Variants in SPDYA observed in about 807,000 individuals in gnomAD.
The protein encoded by SPDYA is speedy protein A.
SPDYA carries 11 observed loss-of-function variants against 36.7 expected under a neutral mutation model. That is an observed-to-expected ratio of 0.30 (90% confidence interval 0.19 to 0.50). SPDYA has a LOEUF of 0.50. Ranked by LOEUF, SPDYA falls within the 20% of genes least tolerant of loss-of-function variation. SPDYA has a pLI of 0.98. For synonymous variants in SPDYA, 115 were observed against 118.7 expected (o/e 0.97, Z 0.20); for missense variants, 287 against 370.9 (o/e 0.77, Z 1.86).
intron 7 of SPDYA, chr2:28,842,141 G>A (rs1182301651): frequency 2.0e-5 from 3 of 152,184 alleles, no homozygotes; most frequent in Admixed American, 6.5e-5. Flanking sequence ...ACTAGAGCCT[G>A]AATTCCTAAA....
At chr2:28,814,347 AG>A (rs1165973598) in intron 1 of SPDYA, among the ~76,000 whole-genome samples, 1 of 152,224 alleles carries the variant, frequency 6.6e-6, no homozygotes, top group Non-Finnish European at 1.5e-5. Flanking sequence ...AACAAAAAAA[AG>A]AAAAAAAGAT....
intron 2 of SPDYA, among the ~76,000 whole-genome samples, chr2:28,815,143 G>T (rs1332597839): frequency 6.6e-6 from 1 of 151,972 alleles, no homozygotes; most frequent in Non-Finnish European, 1.5e-5. Flanking sequence ...TAAGCCAGAT[G>T]TGGTGGCATA....
intron 5 of SPDYA, among the ~76,000 whole-genome samples, chr2:28,826,949 C>CTTTTTT (rs1309143694): frequency 1.1e-4 from 12 of 113,800 alleles, no homozygotes; most frequent in Middle Eastern, 5.0e-3. Flanking sequence ...TCTTTTCTTT[C>CTTTTTT]TTTTTTTTTT....
At chr2:28,831,094 A>C (rs1346689143) in intron 6 of SPDYA, among the ~76,000 whole-genome samples, 1 of 152,168 alleles carries the variant, frequency 6.6e-6, no homozygotes, top group Non-Finnish European at 1.5e-5. Flanking sequence ...GGTAGCTCAC[A>C]CCTGTAATCC....
intron 7 of SPDYA, chr2:28,841,904 T>G (rs1160155124): frequency 1.3e-5 from 2 of 152,202 alleles, no homozygotes; most frequent in African/African-American, 4.8e-5. Context: ...CTTTCCCAGC[T>G]TCCTTTACTC....
intron 4 of SPDYA, among the ~76,000 whole-genome samples, chr2:28,820,535 G>A (rs1427163183): frequency 6.6e-5 from 10 of 152,180 alleles, no homozygotes; most frequent in Admixed American, 4.6e-4. Context: ...GCAGTGAGCC[G>A]AGACCGAGCC....
chr2:28,829,736 G>A (rs556161766), intron 6 of SPDYA, among the ~76,000 whole-genome samples: 1 of 152,008 alleles, frequency 6.6e-6, no homozygotes, highest in South Asian at 2.1e-4. Context: ...GAGGTCAGGA[G>A]ATCAAGACCA....
At chr2:28,829,027 CT>C in intron 5 of SPDYA, 120 bp from the exon 6 acceptor site, 3 of 757,630 alleles carry the variant, frequency 4.0e-6, no homozygotes, top group Non-Finnish European at 2.1e-6. Flanking sequence ...AACTGCATTT[CT>C]TTAATTAACG....
In SPDYA at chr2:28,811,905, G is replaced by A. The variant is rs1667857293; in HGVS notation, c.-93+958G>A. Among the ~76,000 whole-genome samples, 1 of 152,150 alleles carries A rather than the reference G, an allele frequency of 6.6e-6. No individual in the cohort carries two copies. Among genetic ancestry groups the A allele is most frequent in the Non-Finnish European group, 1.5e-5 (1 of 68,010 alleles). On this transcript the variant is annotated intron_variant, in intron 1 of 7. Coordinates refer to ENST00000334056, the MANE Select transcript of SPDYA (RefSeq NM_182756.4). This position sits in a 1 kb window ranked among gnomAD's most constrained non-coding sequence, Gnocchi z 4.2. ...CGGGAGGCAGAGGTGGCAGTGATCC[G>A]AGATCGCCTTATAGCTGGGGTTAGC...
intron 5 of SPDYA, 74 bp downstream of exon 5, chr2:28,822,484 A>T: frequency 1.4e-6 from 1 of 704,226 alleles, no homozygotes; most frequent in Non-Finnish European, 2.2e-6. Flanking sequence ...AACAGAGGCT[A>T]TTTAAAACCT....
chr2:28,827,398 C>G (rs1668356170), intron 5 of SPDYA, among the ~76,000 whole-genome samples: 2 of 152,070 alleles, frequency 1.3e-5, no homozygotes, highest in South Asian at 4.1e-4. Context: ...TCTTCTTTTT[C>G]AAATATACTT....
chr2:28,825,263 AAAAC>A (rs1174634135), intron 5 of SPDYA, among the ~76,000 whole-genome samples: 2 of 152,082 alleles, frequency 1.3e-5, no homozygotes, highest in Non-Finnish European at 2.9e-5. Flanking sequence ...CTGAGAATTA[AAAAC>A]AAACCAAAAG....
At chr2:28,840,864 C>G (rs1328551198) in intron 7 of SPDYA, 1 of 724,862 alleles carries the variant, frequency 1.4e-6, no homozygotes, top group African/African-American at 1.9e-5. Flanking sequence ...TACTATATAT[C>G]TAGGCCTGCT....
At chr2:28,825,120 G>A (rs1305786451) in intron 5 of SPDYA, among the ~76,000 whole-genome samples, 1 of 152,148 alleles carries the variant, frequency 6.6e-6, no homozygotes, top group Non-Finnish European at 1.5e-5. Flanking sequence ...CAGCAAAGCA[G>A]GGGCACAAAC....
At chr2:28,821,566 A>C (rs1465657561) in intron 4 of SPDYA, among the ~76,000 whole-genome samples, 1 of 152,176 alleles carries the variant, frequency 6.6e-6, no homozygotes, top group Admixed American at 6.5e-5. Context: ...GCAGTGTTGG[A>C]AAAGTAACTA....
intron 3 of SPDYA, among the ~76,000 whole-genome samples, chr2:28,817,973 G>A (rs190078563): frequency 7.3e-5 from 11 of 150,236 alleles, no homozygotes; most frequent in Non-Finnish European, 1.3e-4. Context: ...CCAGCCTGGG[G>A]CAACGTGGTG....
chr2:28,840,292 CCAG>C lies in SPDYA; in HGVS notation c.674_676del (p.Pro225_Val226delinsLeu). ...GCTGCCCCGGGGACCTAGTGCCACA[CCAG>C]TAGATTGTTCACTCTGTGGTAAAAA... On this transcript the variant is annotated inframe_deletion, in exon 7 of 8. Coordinates refer to ENST00000334056, the MANE Select transcript of SPDYA (RefSeq NM_182756.4). 6.2e-7 allele frequency: 1 copy of C among 1,613,208 alleles called. No individual in the cohort carries two copies. The highest frequency in any genetic ancestry group is 8.5e-7 in the Non-Finnish European group (1 of 1,179,672).
At chr2:28,840,932 T>A (rs1668735337) in intron 7 of SPDYA, 3 of 109,684 alleles carry the variant, frequency 2.7e-5, no homozygotes, top group Non-Finnish European at 3.1e-5. Context: ...CAAAACCAGT[T>A]TTTTTTTTTT....
Position 28,814,664 on chromosome 2 carries a change from TCA to T in SPDYA, c.-39_-38del, listed in dbSNP as rs2148074313. On this transcript the variant is annotated 5_prime_UTR_variant, in exon 2 of 8. Transcript: ENST00000334056. The stretch of plus-strand genomic sequence containing the variant: ...AGGGTCAGGAAGGGGAATCTGTACC[TCA>T]CTCCTTGAACACCAAGGAAGGTATG... 6.6e-6 allele frequency: 1 copy of T among 152,292 alleles called. No homozygotes were observed. Among genetic ancestry groups the T allele is most frequent in the Non-Finnish European group, 1.5e-5 (1 of 68,020 alleles). The allele number at this position is 152,292 out of a possible 1,614,324, so 9.4% of individuals were successfully genotyped here.
Sources: gnomAD v4.1 joint callset for allele counts (sites outside exome capture counted in the v4.1 genomes callset) on GRCh38, gnomAD v4.1.1 for gene constraint, Gnocchi (gnomAD v3.1) non-coding constraint, MANE v1.5 for transcripts, NCBI Gene and HGNC (gene_info 2026-07-23, HGNC 2026-07-21) for gene names.